Variants in KIAA0319L observed in about 807,000 individuals in gnomAD.
The protein encoded by KIAA0319L is KIAA0319 like, also known as dyslexia-associated protein KIAA0319-like protein.
A neutral mutation model predicts 120.1 loss-of-function variants in KIAA0319L; 55 were observed. That is an observed-to-expected ratio of 0.46 (90% CI 0.37 to 0.57). KIAA0319L has a LOEUF of 0.57. KIAA0319L is among the 20% of genes least tolerant of loss of function. The pLI is 0.00. For missense variants in KIAA0319L, 1,049 were observed against 1,255.3 expected, an observed-to-expected ratio of 0.84 and a Z score of 2.48; for synonymous variants, 398 against 471.9, an observed-to-expected ratio of 0.84 and a Z score of 2.03.
At position 35,557,270 on chromosome 1, in the gene KIAA0319L, G is replaced by T; in HGVS notation, c.-92C>A. ...CGGCCTCCGCCTCCTCCTGGTCCAT[G>T]GGCTCGGGGACCCCCAACCTTCGCT... On this transcript the variant is annotated 5_prime_UTR_variant, in exon 1 of 21. Coordinates refer to ENST00000325722, the MANE Select transcript of KIAA0319L (RefSeq NM_024874.5). 4.7e-6 allele frequency: 1 copy of T among 210,682 alleles called. No individual in the cohort carries two copies. Among genetic ancestry groups the T allele is most frequent in the Non-Finnish European group, 9.9e-6 (1 of 101,158 alleles). The allele number at this position is 210,682 out of a possible 1,614,324, so 13.1% of individuals were successfully genotyped here. A position where few individuals can be genotyped will look rare whatever the true frequency, so the allele number is the denominator to read the frequency against.
At chr1:35,543,417 G>A (rs1646865833) in intron 2 of KIAA0319L, among the ~76,000 whole-genome samples, 2 of 152,208 alleles carry the variant, frequency 1.3e-5, no homozygotes, top group Admixed American at 6.5e-5. Flanking sequence ...ACTCATTGCT[G>A]TAAGATATAT....
intron 3 of KIAA0319L, among the ~76,000 whole-genome samples, chr1:35,505,824 G>A (rs918912669): frequency 2.0e-5 from 3 of 152,152 alleles, no homozygotes; most frequent in Admixed American, 6.6e-5. Context: ...TGCCTACTTG[G>A]AAATATTGCT....
At chr1:35,546,146 G>C (rs1225373721) in intron 2 of KIAA0319L, among the ~76,000 whole-genome samples, 2 of 152,112 alleles carry the variant, frequency 1.3e-5, no homozygotes, top group Non-Finnish European at 2.9e-5. Context: ...AGTGAGGAAT[G>C]AATGAGACTG....
intron 2 of KIAA0319L, 37 bp downstream of exon 2, chr1:35,554,312 TA>T (rs745403032): frequency 0.029 from 30,416 of 1,041,168 alleles, no homozygotes; most frequent in South Asian, 0.055. Flanking sequence ...TGCCCTTTTC[TA>T]AAAAAAAAAA....
chr1:35,450,961 A>G (rs1307779808), intron 13 of KIAA0319L, among the ~76,000 whole-genome samples: 1 of 152,216 alleles, frequency 6.6e-6, no homozygotes, highest in African/African-American at 2.4e-5. Context: ...TTCACAAGAG[A>G]AAACAAAGAG....
In KIAA0319L at chr1:35,441,110, T is replaced by A; in HGVS notation, c.2899A>T (p.Lys967Ter). 1 of 1,614,184 alleles carries A rather than the reference T, an allele frequency of 6.2e-7. No homozygotes were observed. The highest frequency in any genetic ancestry group is 8.5e-7 in the Non-Finnish European group (1 of 1,180,034). The part of the protein sequence containing the change: ...RQKGKPKRKS[K>*]YKILDATDQE... ...TCCGTGGCATCCAGGATCTTGTACT[T>A]GCTTTTCCTCTTGGGTTTTCCTTTT... The change falls in exon 20 of 21, where the codon AAG becomes TAG. Residue 967 changes from lysine to a stop codon, truncating the protein, a stop_gained. Transcript: ENST00000325722. LOFTEE classifies it high-confidence loss of function.
intron 13 of KIAA0319L, among the ~76,000 whole-genome samples, chr1:35,451,038 A>G (rs1642022086): frequency 6.6e-6 from 1 of 152,206 alleles, no homozygotes; most frequent in African/African-American, 2.4e-5. Flanking sequence ...GTATTTACTC[A>G]GCTTGGTATC....
At chr1:35,444,584 T>C (rs1641480373) in intron 16 of KIAA0319L, among the ~76,000 whole-genome samples, 1 of 152,186 alleles carries the variant, frequency 6.6e-6, no homozygotes, top group Admixed American at 6.5e-5. Context: ...ACAAAGTCTG[T>C]TCTTTTTAAA....
Position 35,502,054 on chromosome 1 carries a change from G to A in KIAA0319L, c.666+4558C>T, listed in dbSNP as rs572918606. The stretch of plus-strand genomic sequence containing the variant: ...AGCACTTTGGGAGGCAGAGGCAGGC[G>A]GATCACGAGGTCAGGAGATCGAGAC... On this transcript the variant is annotated intron_variant, in intron 3 of 20. Coordinates refer to ENST00000325722, the MANE Select transcript of KIAA0319L (RefSeq NM_024874.5). Among the ~76,000 whole-genome samples, 298 of 151,890 alleles carry A rather than the reference G, an allele frequency of 2.0e-3. 1 individual carries two copies. The highest frequency in any genetic ancestry group is 1.7e-3 in the Non-Finnish European group (113 of 67,936).
At chr1:35,498,564 T>C (rs1455920603) in intron 3 of KIAA0319L, among the ~76,000 whole-genome samples, 3 of 152,082 alleles carry the variant, frequency 2.0e-5, no homozygotes, top group Non-Finnish European at 4.4e-5. Flanking sequence ...TCTTCTTCCT[T>C]CTCCCTTCCT....
Position 35,451,759 on chromosome 1 carries a change from T to C in KIAA0319L, c.1931A>G (p.Gln644Arg). The C allele has an allele frequency of 1.2e-6, 2 of 1,614,122 alleles. No homozygotes were observed. The highest frequency in any genetic ancestry group is 2.2e-5 in the South Asian group (2 of 91,084). Reference protein sequence around the residue: ...WEKTQGPDGVQLENANSSVAT... With the variant: ...WEKTQGPDGVRLENANSSVAT... ...AACACTGCTGTTAGCATTCTCGAGC[T>C]GCACCCCATCAGGTCCCCTGCAAAA... The change falls in exon 13 of 21, where the codon CAG becomes CGG. Residue 644 changes from glutamine (Q) to arginine (R), a missense_variant. Coordinates refer to ENST00000325722, the MANE Select transcript of KIAA0319L (RefSeq NM_024874.5).
chr1:35,548,824 G>C (rs1054969057), intron 2 of KIAA0319L, among the ~76,000 whole-genome samples: 1 of 151,890 alleles, frequency 6.6e-6, no homozygotes, highest in Non-Finnish European at 1.5e-5. Context: ...TAAACTGCTT[G>C]TGGAGTTTCT....
At chr1:35,545,197 C>T (rs145175095) in intron 2 of KIAA0319L, among the ~76,000 whole-genome samples, 44 of 152,250 alleles carry the variant, frequency 2.9e-4, no homozygotes, top group African/African-American at 1.0e-3. Flanking sequence ...GGGAGACTCA[C>T]TAGAGGTCAA....
chr1:35,470,565 T>C (rs1339436444), intron 6 of KIAA0319L, among the ~76,000 whole-genome samples: 5 of 151,056 alleles, frequency 3.3e-5, no homozygotes, highest in Non-Finnish European at 7.4e-5. Context: ...TATGCAGTCA[T>C]GTGGCCACAA....
intron 6 of KIAA0319L, among the ~76,000 whole-genome samples, chr1:35,467,621 A>G (rs1643355944): frequency 6.6e-6 from 1 of 152,186 alleles, no homozygotes; most frequent in Non-Finnish European, 1.5e-5. Context: ...TCAAGGTATC[A>G]AACTTTCTAT....
intron 2 of KIAA0319L, among the ~76,000 whole-genome samples, chr1:35,509,511 A>T (rs1356126765): frequency 6.6e-6 from 1 of 152,248 alleles, no homozygotes; most frequent in East Asian, 1.9e-4. Context: ...CAGAGATTGG[A>T]GCAATACGGC....
intron 18 of KIAA0319L, 71 bp downstream of exon 18, chr1:35,442,835 C>A: frequency 6.3e-7 from 1 of 1,589,734 alleles, no homozygotes; most frequent in East Asian, 2.2e-5. Context: ...GAAACACCAA[C>A]ACCCACCCAC....
At chr1:35,529,153 C>T (rs1646266319) in intron 2 of KIAA0319L, among the ~76,000 whole-genome samples, 1 of 152,186 alleles carries the variant, frequency 6.6e-6, no homozygotes, top group South Asian at 2.1e-4. Flanking sequence ...TCCTTCCCAC[C>T]TTGGCCTCCT....
intron 8 of KIAA0319L, 45 bp downstream of exon 8, chr1:35,462,576 A>G: frequency 6.9e-7 from 1 of 1,455,138 alleles, no homozygotes; most frequent in Non-Finnish European, 9.7e-7. Flanking sequence ...ATCAGAGTAC[A>G]CGGTGAATGT....
Sources: allele counts gnomAD v4.1 joint callset (sites outside exome capture counted in the v4.1 genomes callset), GRCh38; gene constraint gnomAD v4.1.1; transcripts MANE v1.5; gene names NCBI Gene and HGNC (gene_info 2026-07-23, HGNC 2026-07-21).